AK4: variants seen among roughly 807,000 people sequenced by gnomAD.
AK4 encodes adenylate kinase 4, mitochondrial.
Under a neutral mutation model 24.6 loss-of-function variants are expected in AK4, and 13 were observed. The ratio of observed to expected loss-of-function variants is 0.53; its 90% CI spans 0.34 to 0.84. AK4 has a LOEUF of 0.84. AK4 is among the 40% of genes least tolerant of loss of function. The pLI, the probability that AK4 is intolerant of heterozygous loss-of-function variation, is 0.01. For missense variants in AK4, 192 were observed against 288.2 expected, an observed-to-expected ratio of 0.67 and a Z score of 2.42; for synonymous variants, 88 against 107.0, an observed-to-expected ratio of 0.82 and a Z score of 1.10.
intron 2 of AK4, among the ~76,000 whole-genome samples, chr1:65,203,073 A>C (rs1002142151): frequency 1.3e-5 from 2 of 151,820 alleles, no homozygotes; most frequent in Admixed American, 6.6e-5. Flanking sequence ...GGATTTTGCT[A>C]TGTTGCCCAG....
intron 1 of AK4, among the ~76,000 whole-genome samples, chr1:65,170,807 T>C (rs999333770): frequency 1.3e-5 from 2 of 152,130 alleles, no homozygotes; most frequent in Non-Finnish European, 2.9e-5. Context: ...GCCAAAAAAA[T>C]TTGCAGAATC....
intron 1 of AK4, among the ~76,000 whole-genome samples, chr1:65,170,112 C>A (rs113955533): frequency 0.042 from 6,325 of 152,220 alleles, 336 homozygotes; most frequent in African/African-American, 0.13. Context: ...CGTGGTGGCT[C>A]ACGCCTGTAA....
chr1:65,181,229 T>TA (rs1650894594), intron 1 of AK4, among the ~76,000 whole-genome samples: 1 of 151,574 alleles, frequency 6.6e-6, no homozygotes, highest in Non-Finnish European at 1.5e-5. Context: ...CAGTACCCCA[T>TA]AGCTCCTTTT....
At chr1:65,226,012 AC>A (rs1326191528) in intron 4 of AK4, 50 bp from the exon 5 acceptor site, 1 of 1,569,598 alleles carries the variant, frequency 6.4e-7, no homozygotes, top group African/African-American at 1.4e-5. Context: ...CTGCACTAAT[AC>A]GTGGAAAAGA....
chr1:65,172,103 A>ATATT lies in AK4; in HGVS notation c.146-18606_146-18605insATTT, dbSNP rs1553122938. On this transcript the variant is annotated intron_variant, in intron 1 of 4. Coordinates refer to ENST00000327299, the MANE Select transcript of AK4 (RefSeq NM_013410.4). ...TATATATATATATATATATATATAT[A>ATATT]TTTAAACTCATTACACTTCCCAAAT... Among the ~76,000 whole-genome samples the ATATT allele has an allele frequency of 1.8e-3, 209 of 115,490 alleles. 11 individuals are homozygous for ATATT. Among genetic ancestry groups the ATATT allele is most frequent in the Admixed American group, 0.015 (168 of 11,036 alleles). The allele number at this position is 115,490 out of a possible 152,430, so 75.8% of individuals were successfully genotyped here.
chr1:65,190,919 C>T (rs1651285908), intron 2 of AK4, 90 bp downstream of exon 2: 4 of 1,417,388 alleles, frequency 2.8e-6, no homozygotes, highest in South Asian at 3.3e-5. Context: ...ATGGAAAATG[C>T]CTTATTTTCT....
rs890433684 is a variant in AK4, at chr1:65,230,769, C to T, written c.*4592C>T. 6.6e-6 allele frequency: 1 copy of T among 152,166 alleles called. No homozygotes were observed. The highest frequency in any genetic ancestry group is 2.4e-5 in the African/African-American group (1 of 41,424). The allele number at this position is 152,166 out of a possible 1,614,324, so 9.4% of individuals were successfully genotyped here. A position where few individuals can be genotyped will look rare whatever the true frequency, so the allele number is the denominator to read the frequency against. On this transcript the variant is annotated 3_prime_UTR_variant, in exon 5 of 5. Coordinates refer to ENST00000327299, the MANE Select transcript of AK4 (RefSeq NM_013410.4). ...TGTTTTTGGTGCTTTGGTGCAGAGACAGGAAATGGGCACTCAGAGTCACAC... is the reference window on the plus strand; with the variant it reads ...TGTTTTTGGTGCTTTGGTGCAGAGATAGGAAATGGGCACTCAGAGTCACAC...
At chr1:65,192,010 C>T (rs1283210164) in intron 2 of AK4, among the ~76,000 whole-genome samples, 1 of 152,164 alleles carries the variant, frequency 6.6e-6, no homozygotes, top group Non-Finnish European at 1.5e-5. Context: ...TATTGCCTTT[C>T]AGGCTTTTTG....
chr1:65,167,425 C>A (rs1191230294), intron 1 of AK4, among the ~76,000 whole-genome samples: 1 of 150,408 alleles, frequency 6.6e-6, no homozygotes, highest in Admixed American at 6.6e-5. Context: ...AATACTGTCT[C>A]AGGACATAAT....
chr1:65,200,514 T>C (rs1651630424), intron 2 of AK4, among the ~76,000 whole-genome samples: 1 of 152,212 alleles, frequency 6.6e-6, no homozygotes, highest in Admixed American at 6.5e-5. Flanking sequence ...GGGTGACATG[T>C]GACCTGAAAT....
chr1:65,185,927 C>T (rs1037422725), intron 1 of AK4, among the ~76,000 whole-genome samples: 12 of 151,762 alleles, frequency 7.9e-5, no homozygotes, highest in African/African-American at 2.9e-4. Context: ...ATATGACCAT[C>T]TTAACTCATG....
chr1:65,150,807 T>A (rs1434573225), intron 1 of AK4, among the ~76,000 whole-genome samples: 1 of 152,082 alleles, frequency 6.6e-6, no homozygotes, highest in African/African-American at 2.4e-5. Flanking sequence ...TGCTCCAGCC[T>A]GGATTTGGGC....
intron 1 of AK4, among the ~76,000 whole-genome samples, chr1:65,151,114 C>T (rs751611186): frequency 6.6e-6 from 1 of 152,012 alleles, no homozygotes; most frequent in African/African-American, 2.4e-5. Context: ...CCACCACGCC[C>T]GGCTAATTTT....
intron 2 of AK4, among the ~76,000 whole-genome samples, chr1:65,211,595 AGC>A (rs1651973795): frequency 2.6e-5 from 4 of 152,220 alleles, no homozygotes; most frequent in Non-Finnish European, 5.9e-5. Flanking sequence ...CACTTTTCCC[AGC>A]ATTGGTTTTT....
chr1:65,153,715 G>A (rs929388135), intron 1 of AK4, among the ~76,000 whole-genome samples: 2 of 152,242 alleles, frequency 1.3e-5, no homozygotes, highest in Non-Finnish European at 2.9e-5. Context: ...ATAAATTAAA[G>A]GTGACTGTCT....
chr1:65,157,195 C>T (rs919941449), intron 1 of AK4, among the ~76,000 whole-genome samples: 1 of 152,168 alleles, frequency 6.6e-6, no homozygotes, highest in East Asian at 1.9e-4. Flanking sequence ...GCTTTATACA[C>T]ATGTAATTAA....
At position 65,225,055 on chromosome 1, in the gene AK4, T is replaced by G. The variant is rs150581248; in HGVS notation, c.557+185T>G. On this transcript the variant is annotated intron_variant, in intron 4 of 4. Transcript: ENST00000327299. ...ACATGAAAGATAAGGTTCAATACTTTTATCCTGAAACTGTTAGAACATAAG... is the reference window on the plus strand; with the variant it reads ...ACATGAAAGATAAGGTTCAATACTTGTATCCTGAAACTGTTAGAACATAAG... Among the ~76,000 whole-genome samples the G allele has an allele frequency of 6.9e-3, 1,050 of 152,342 alleles. 13 individuals are homozygous for G. The highest frequency in any genetic ancestry group is 0.024 in the African/African-American group (996 of 41,564).
At chr1:65,188,661 G>A (rs1651184185) in intron 1 of AK4, among the ~76,000 whole-genome samples, 1 of 150,992 alleles carries the variant, frequency 6.6e-6, no homozygotes, top group Admixed American at 6.6e-5. Context: ...TGTATTTTTA[G>A]TAGAGACGGG....
At chr1:65,198,223 T>C (rs1260673645) in intron 2 of AK4, among the ~76,000 whole-genome samples, 1 of 152,216 alleles carries the variant, frequency 6.6e-6, no homozygotes, top group Non-Finnish European at 1.5e-5. Context: ...ATTGTGGTGA[T>C]TTCTAAAGAA....
Sources: gnomAD v4.1 joint callset for allele counts (sites outside exome capture counted in the v4.1 genomes callset) on GRCh38, gnomAD v4.1.1 for gene constraint, MANE v1.5 for transcripts, NCBI Gene and HGNC (gene_info 2026-07-23, HGNC 2026-07-21) for gene names.